Variants in ARHGAP15 observed in about 807,000 individuals in gnomAD.
The protein encoded by ARHGAP15 is Rho GTPase activating protein 15.
Under a neutral mutation model 63.7 loss-of-function variants are expected in ARHGAP15, and 51 were observed. That is an observed-to-expected ratio of 0.80 (90% CI 0.64 to 1.01). ARHGAP15 has a LOEUF of 1.01. ARHGAP15 is among the 50% of genes least tolerant of loss of function. The pLI is 0.00. For synonymous variants in ARHGAP15, 191 were observed against 193.8 expected, an observed-to-expected ratio of 0.99 and a Z score of 0.12; for missense variants, 560 against 564.6, an observed-to-expected ratio of 0.99 and a Z score of 0.08.
chr2:143,134,657 CG>C (rs1315866000), intron 1 of ARHGAP15, among the ~76,000 whole-genome samples: 1 of 127,984 alleles, frequency 7.8e-6, no homozygotes, highest in East Asian at 2.3e-4. Context: ...TTTTTTGAGA[CG>C]GAGTCTCACT....
At chr2:143,407,729 T>C (rs1463750030) in intron 6 of ARHGAP15, among the ~76,000 whole-genome samples, 3 of 151,684 alleles carry the variant, frequency 2.0e-5, no homozygotes, top group Non-Finnish European at 4.4e-5. Context: ...TCATTGTACC[T>C]ATTCTATTTC....
intron 3 of ARHGAP15, among the ~76,000 whole-genome samples, chr2:143,214,866 A>G (rs1406512801): frequency 6.6e-6 from 1 of 152,228 alleles, no homozygotes; most frequent in Non-Finnish European, 1.5e-5. Flanking sequence ...TATTTGGAAC[A>G]ACTCCTTTAC....
At chr2:143,222,420 A>G (rs1364982243) in intron 4 of ARHGAP15, among the ~76,000 whole-genome samples, 9 of 152,234 alleles carry the variant, frequency 5.9e-5, no homozygotes, top group African/African-American at 2.2e-4. Context: ...CCACTCTGTC[A>G]TTACCTAAAG....
At chr2:143,382,992 A>C (rs1477281830) in intron 6 of ARHGAP15, among the ~76,000 whole-genome samples, 1 of 152,220 alleles carries the variant, frequency 6.6e-6, no homozygotes, top group Admixed American at 6.5e-5. Context: ...CATTGTGAGA[A>C]AGAAAATTAT....
intron 2 of ARHGAP15, among the ~76,000 whole-genome samples, chr2:143,164,582 A>G (rs181109548): frequency 6.6e-6 from 1 of 152,176 alleles, no homozygotes; most frequent in Admixed American, 6.6e-5. Context: ...GATGTGCTGA[A>G]GTTAAAGATA....
rs753956054 is a variant in ARHGAP15, at chr2:143,744,586, G to A, written c.1245-23403G>A. ...AGATAAGGCACTGCAAAGAGGCGCC[G>A]CACAAGAGTGCGAATGTATAAACAC... On this transcript the variant is annotated intron_variant, in intron 13 of 13. Coordinates refer to ENST00000295095, the MANE Select transcript of ARHGAP15 (RefSeq NM_018460.4). Among the ~76,000 whole-genome samples, 14 of 152,248 alleles carry A rather than the reference G, an allele frequency of 9.2e-5. No homozygotes were observed. In the South Asian group the frequency reaches 1.5e-3, roughly 16 times the overall value.
At chr2:143,261,424 C>T (rs535676388) in intron 6 of ARHGAP15, among the ~76,000 whole-genome samples, 1 of 148,918 alleles carries the variant, frequency 6.7e-6, no homozygotes, top group African/African-American at 2.5e-5. Context: ...CTGCAACCTC[C>T]GTCTCCTGAG....
intron 6 of ARHGAP15, among the ~76,000 whole-genome samples, chr2:143,319,839 A>C (rs1683924491): frequency 6.6e-6 from 1 of 152,226 alleles, no homozygotes; most frequent in African/African-American, 2.4e-5. Flanking sequence ...ATAACTCACT[A>C]GGAATGGAGC....
chr2:143,319,228 C>CT (rs397939107), intron 6 of ARHGAP15, among the ~76,000 whole-genome samples: 6,463 of 140,476 alleles, frequency 0.046, 411 homozygotes, highest in African/African-American at 0.14. Context: ...TGGTTCCCGC[C>CT]TTTTTTTTTT....
At chr2:143,332,973 G>GGAA (rs1684613366) in intron 6 of ARHGAP15, among the ~76,000 whole-genome samples, 1 of 108,416 alleles carries the variant, frequency 9.2e-6, no homozygotes, top group African/African-American at 3.2e-5. Context: ...CATTTAAAAT[G>GGAA]AAAAAAAAAA....
intron 6 of ARHGAP15, among the ~76,000 whole-genome samples, chr2:143,357,675 C>A (rs892998627): frequency 6.6e-6 from 1 of 151,918 alleles, no homozygotes. Context: ...AAGCTTTAAA[C>A]AATTTAAGAT....
intron 3 of ARHGAP15, among the ~76,000 whole-genome samples, chr2:143,216,093 A>C (rs1692747060): frequency 6.6e-6 from 1 of 152,186 alleles, no homozygotes; most frequent in Non-Finnish European, 1.5e-5. Context: ...ACCATTTGCA[A>C]TCAATTTTTT....
At chr2:143,724,187 A>G (rs907927442) in intron 13 of ARHGAP15, among the ~76,000 whole-genome samples, 1 of 152,166 alleles carries the variant, frequency 6.6e-6, no homozygotes, top group African/African-American at 2.4e-5. Flanking sequence ...CATTAAATCC[A>G]GTAGCTGGAG....
In ARHGAP15 at chr2:143,273,413, CTTAAG is replaced by C. The variant is rs1681393851; in HGVS notation, c.474+22818_474+22822del. Among the ~76,000 whole-genome samples the C allele has an allele frequency of 2.6e-5, 4 of 152,116 alleles. 1 individual carries two copies. The South Asian group carries it at 8.3e-4, about 32-fold the overall frequency. The stretch of plus-strand genomic sequence containing the variant: ...TAAACCCTTTGTAAGTTGAAAATAT[CTTAAG>C]TTAAAGGTGCACTTAATACCCCAAT... On this transcript the variant is annotated intron_variant, in intron 6 of 13. Transcript: ENST00000295095.
intron 11 of ARHGAP15, among the ~76,000 whole-genome samples, chr2:143,568,559 TTGG>T (rs1472252425): frequency 2.0e-5 from 3 of 152,230 alleles, no homozygotes; most frequent in African/African-American, 7.2e-5. Flanking sequence ...TTTTACACTG[TTGG>T]TGGTAGTGTA....
chr2:143,249,408 G>C (rs1243792144), intron 5 of ARHGAP15, among the ~76,000 whole-genome samples: 1 of 152,052 alleles, frequency 6.6e-6, no homozygotes, highest in Non-Finnish European at 1.5e-5. Flanking sequence ...AACATGGACA[G>C]AATATGTTTT....
At chr2:143,665,856 T>TA (rs1682142435) in intron 12 of ARHGAP15, among the ~76,000 whole-genome samples, 1 of 147,954 alleles carries the variant, frequency 6.8e-6, no homozygotes, top group African/African-American at 2.5e-5. Flanking sequence ...GAATCCAACT[T>TA]ACAAGGGATG....
intron 11 of ARHGAP15, among the ~76,000 whole-genome samples, chr2:143,598,856 G>T (rs892520227): frequency 6.6e-6 from 1 of 151,956 alleles, no homozygotes; most frequent in Non-Finnish European, 1.5e-5. Context: ...GTTTGAGGCT[G>T]CCATGAGCTA....
intron 12 of ARHGAP15, among the ~76,000 whole-genome samples, chr2:143,671,628 C>T (rs571947486): frequency 3.9e-5 from 6 of 152,200 alleles, no homozygotes; most frequent in Admixed American, 1.3e-4. Context: ...CAGGAATGAT[C>T]TTTAGTTGGG....
Sources: gnomAD v4.1 joint callset for allele counts (sites outside exome capture counted in the v4.1 genomes callset) on GRCh38, gnomAD v4.1.1 for gene constraint, MANE v1.5 for transcripts, NCBI Gene and HGNC (gene_info 2026-07-23, HGNC 2026-07-21) for gene names.